KDM4A: variants seen among roughly 807,000 people sequenced by gnomAD.
KDM4A encodes lysine demethylase 4A.
KDM4A carries 23 observed loss-of-function variants against 127.1 expected under a neutral mutation model. The ratio of observed to expected loss-of-function variants is 0.18; its 90% CI spans 0.13 to 0.26. KDM4A has a LOEUF of 0.26. Among genes scored for constraint, KDM4A ranks in the 10% least tolerant of loss-of-function variants. The pLI, the probability that KDM4A is intolerant of heterozygous loss-of-function variation, is 1.00. For synonymous variants in KDM4A, 443 were observed against 466.5 expected (o/e 0.95, Z 0.65); for missense variants, 890 against 1,329.1 (o/e 0.67, Z 5.14).
rs1231055215 is a variant in KDM4A, at chr1:43,704,546, G to A, written c.*176G>A. The A allele has an allele frequency of 2.9e-6, 2 of 690,230 alleles. No homozygotes were observed. Among genetic ancestry groups the A allele is most frequent in the Non-Finnish European group, 4.7e-6 (2 of 425,400 alleles). The allele number at this position is 690,230 out of a possible 1,614,324, so 42.8% of individuals were successfully genotyped here. A position where few individuals can be genotyped will look rare whatever the true frequency, so the allele number is the denominator to read the frequency against. ...CTCATTGCATTCCGCTGTAGTGAAA[G>A]GACGAGCCATTTCTGGGCACGTGGC... On this transcript the variant is annotated 3_prime_UTR_variant, in exon 22 of 22. Coordinates refer to ENST00000372396, the MANE Select transcript of KDM4A (RefSeq NM_014663.3).
chr1:43,668,481 G>A (rs1224914429), intron 9 of KDM4A, among the ~76,000 whole-genome samples: 10 of 152,152 alleles, frequency 6.6e-5, no homozygotes, highest in Non-Finnish European at 5.9e-5. Context: ...CTTGGTAAAG[G>A]CTCCAGAAAC....
At chr1:43,651,694 A>G in intron 1 of KDM4A, among the ~76,000 whole-genome samples, 1 of 152,214 alleles carries the variant, frequency 6.6e-6, no homozygotes, top group East Asian at 1.9e-4. Flanking sequence ...AGGAAAGGAC[A>G]TACTGGTGTT....
At chr1:43,667,330 A>G (rs576925881) in intron 8 of KDM4A, among the ~76,000 whole-genome samples, 2 of 152,342 alleles carry the variant, frequency 1.3e-5, no homozygotes, top group African/African-American at 4.8e-5. Flanking sequence ...ACATCCACAC[A>G]CGTTAATACT....
At position 43,652,525 on chromosome 1, in the gene KDM4A, T is replaced by A. The variant is rs200272232; in HGVS notation, c.-39-612T>A. ...CTTTTTGTTGTTTATTTAAAAAAAA[T>A]TTTTTTTGAGACAGGGTCTCACTAT... On this transcript the variant is annotated intron_variant, in intron 1 of 21. Coordinates refer to ENST00000372396, the MANE Select transcript of KDM4A (RefSeq NM_014663.3). Among the ~76,000 whole-genome samples, 63 of 151,316 alleles carry A rather than the reference T, an allele frequency of 4.2e-4. 1 individual carries two copies. The East Asian group carries it at 4.3e-3, about 10-fold the overall frequency.
chr1:43,703,562 A>G, intron 19 of KDM4A, 55 bp from the exon 20 acceptor site: 1 of 1,606,350 alleles, frequency 6.2e-7, no homozygotes, highest in East Asian at 2.2e-5. Context: ...GAGGACAGTT[A>G]CCTTTGTGTG....
At position 43,671,592 on chromosome 1, in the gene KDM4A, C is replaced by G. The variant is rs775542197; in HGVS notation, c.1451C>G (p.Ala484Gly). The part of the protein sequence containing the change: ...EEDEEEEQAA[A>G]ALDLSVNPAS... ...GATGAGGAGGAAGAACAAGCAGCAGCTGCCTTGGATCTTTCTGTGAATCCT... is the reference window on the plus strand; with the variant it reads ...GATGAGGAGGAAGAACAAGCAGCAGGTGCCTTGGATCTTTCTGTGAATCCT... The change falls in exon 11 of 22, where the codon GCT becomes GGT. Residue 484 changes from alanine to glycine, a missense_variant. Coordinates refer to ENST00000372396, the MANE Select transcript of KDM4A (RefSeq NM_014663.3). The G allele has an allele frequency of 1.2e-6, 2 of 1,610,556 alleles. No individual in the cohort carries two copies. Among genetic ancestry groups the G allele is most frequent in the Admixed American group, 3.4e-5 (2 of 59,134 alleles).
intron 11 of KDM4A, 30 bp downstream of exon 11, chr1:43,671,905 G>T: frequency 6.6e-7 from 1 of 1,521,702 alleles, no homozygotes. Flanking sequence ...GTGTGGGGTG[G>T]GGAGCTGCCC....
rs546996039 is a variant in KDM4A, at chr1:43,670,752, G to A, written c.1364-753G>A. Among the ~76,000 whole-genome samples the A allele has an allele frequency of 3.9e-5, 6 of 152,004 alleles. No homozygotes were observed. In the South Asian group the frequency reaches 8.3e-4, roughly 21 times the overall value. On this transcript the variant is annotated intron_variant, in intron 10 of 21. Transcript: ENST00000372396. ...TGATTTTTGTATTTTTAGTAGAGAC[G>A]GGGTTTCACTCTGTTAGCCAGGATG...
rs577641034 is a variant in KDM4A, at chr1:43,695,367, A to T, written c.2670+473A>T. 2.6e-5 allele frequency among the ~76,000 whole-genome samples: 4 copies of T among 152,332 alleles called. No homozygotes were observed. In the South Asian group the frequency reaches 8.3e-4, roughly 32 times the overall value. ...AATGTTAGCTAGAGGAGCTCTGAAG[A>T]GGATTGGGTAGACGGTGGCATTTGA... On this transcript the variant is annotated intron_variant, in intron 18 of 21. Coordinates refer to ENST00000372396, the MANE Select transcript of KDM4A (RefSeq NM_014663.3).
At chr1:43,655,309 G>A (rs1557901985) in intron 2 of KDM4A, among the ~76,000 whole-genome samples, 1 of 152,140 alleles carries the variant, frequency 6.6e-6, no homozygotes, top group Non-Finnish European at 1.5e-5. Context: ...GATTGAGAGA[G>A]AATCAAGTCT....
At chr1:43,703,125 G>A (rs1022719566) in intron 19 of KDM4A, among the ~76,000 whole-genome samples, 5 of 151,936 alleles carry the variant, frequency 3.3e-5, no homozygotes, top group Admixed American at 2.6e-4. Context: ...TGCATTTTTA[G>A]TAGAGATGGG....
chr1:43,681,643 C>CT (rs1170957625), intron 11 of KDM4A, among the ~76,000 whole-genome samples: 1 of 152,152 alleles, frequency 6.6e-6, no homozygotes, highest in African/African-American at 2.4e-5. Flanking sequence ...TATTCCCATC[C>CT]TTTTTTTCCC....
intron 4 of KDM4A, among the ~76,000 whole-genome samples, chr1:43,661,360 G>C (rs1660371683): frequency 6.6e-6 from 1 of 151,854 alleles, no homozygotes; most frequent in Admixed American, 6.6e-5. Context: ...TGTAATCCCA[G>C]CACTTTGGGA....
intron 3 of KDM4A, among the ~76,000 whole-genome samples, 194 bp downstream of exon 3, chr1:43,655,960 T>C (rs1028932627): frequency 6.6e-6 from 1 of 152,190 alleles, no homozygotes; most frequent in African/African-American, 2.4e-5. Context: ...CTAAACCTGT[T>C]CCTGTTCTTA....
chr1:43,691,644 T>A, intron 15 of KDM4A, 72 bp downstream of exon 15: 4 of 1,299,120 alleles, frequency 3.1e-6, no homozygotes, highest in Non-Finnish European at 4.5e-6. Flanking sequence ...CGATTTCATG[T>A]TGGACTCAGT....
At position 43,704,495 on chromosome 1, in the gene KDM4A, AC is replaced by A; in HGVS notation, c.*127del. ...TTGTAAAAAGAAAAGGAATGAAATA[AC>A]CGACCCATCATCTTCTCACCCACCC... On this transcript the variant is annotated 3_prime_UTR_variant, in exon 22 of 22. Transcript: ENST00000372396. 9.4e-7 allele frequency: 1 copy of A among 1,064,978 alleles called. No individual in the cohort carries two copies. 66.0% of individuals were successfully genotyped at this position (1,064,978 alleles called of 1,614,324 possible). A position where few individuals can be genotyped will look rare whatever the true frequency, so the allele number is the denominator to read the frequency against.
At chr1:43,702,923 C>A (rs1661439411) in intron 19 of KDM4A, among the ~76,000 whole-genome samples, 1 of 151,816 alleles carries the variant, frequency 6.6e-6, no homozygotes, top group African/African-American at 2.4e-5. Context: ...CCCAGCTACT[C>A]GGGAGGCTGA....
chr1:43,689,111 GCACTCT>G lies in KDM4A; in HGVS notation c.2037+17_2037+22del. On this transcript the variant is annotated intron_variant, in intron 13 of 21. Coordinates refer to ENST00000372396, the MANE Select transcript of KDM4A (RefSeq NM_014663.3). Reference sequence around the variant, plus strand: ...TTATCATCAGGTAACCCAGCTCCATGCACTCTGTTTACCCAGGACCAGCAATCATAG... The same window carrying G: ...TTATCATCAGGTAACCCAGCTCCATGGTTTACCCAGGACCAGCAATCATAG... 6.2e-7 allele frequency: 1 copy of G among 1,612,536 alleles called. No homozygotes were observed.
At chr1:43,678,547 G>A (rs1232704717) in intron 11 of KDM4A, among the ~76,000 whole-genome samples, 2 of 151,852 alleles carry the variant, frequency 1.3e-5, no homozygotes, top group Non-Finnish European at 2.9e-5. Context: ...AAGGAAGTGG[G>A]AGTGCAGGTG....
Sources: gnomAD v4.1 joint callset for allele counts (sites outside exome capture counted in the v4.1 genomes callset) on GRCh38, gnomAD v4.1.1 for gene constraint, MANE v1.5 for transcripts, NCBI Gene and HGNC (gene_info 2026-07-23, HGNC 2026-07-21) for gene names.